Variants in SUCLG2 observed in about 807,000 individuals in gnomAD.
The protein encoded by SUCLG2 is succinate-CoA ligase GDP-forming subunit beta, also known as succinate--CoA ligase [GDP-forming] subunit beta, mitochondrial.
A neutral mutation model predicts 47.9 loss-of-function variants in SUCLG2; 42 were observed. That is an observed-to-expected ratio of 0.88 (90% confidence interval 0.69 to 1.14). The LOEUF is 1.14. Among genes scored for constraint, SUCLG2 ranks in the 50% most tolerant of loss-of-function variants. The probability of loss-of-function intolerance (pLI) is 0.00; values close to 1 mark genes in which losing one functional copy is unlikely to be tolerated. For missense variants in SUCLG2, 571 were observed against 525.9 expected (o/e 1.09, Z -0.84); for synonymous variants, 195 against 197.3 (o/e 0.99, Z 0.10).
At chr3:67,536,675 A>C (rs1706551768) in intron 2 of SUCLG2, among the ~76,000 whole-genome samples, 2 of 152,232 alleles carry the variant, frequency 1.3e-5, no homozygotes, top group African/African-American at 4.8e-5. Context: ...CAGACAGCCA[A>C]TGCAGACTGA....
chr3:67,520,889 T>C (rs1008854447), intron 4 of SUCLG2, among the ~76,000 whole-genome samples: 8 of 152,214 alleles, frequency 5.3e-5, no homozygotes, highest in Admixed American at 3.9e-4. Flanking sequence ...CCCACTTTAA[T>C]CTTCTTTTTT....
At chr3:67,403,322 G>A (rs1041616101) in intron 9 of SUCLG2, among the ~76,000 whole-genome samples, 1 of 152,074 alleles carries the variant, frequency 6.6e-6, no homozygotes, top group Non-Finnish European at 1.5e-5. Flanking sequence ...GATCATCTTT[G>A]TGCTTCTCTA....
At chr3:67,631,432 A>T (rs946008360) in intron 1 of SUCLG2, among the ~76,000 whole-genome samples, 1 of 152,150 alleles carries the variant, frequency 6.6e-6, no homozygotes, top group African/African-American at 2.4e-5. Context: ...GTTTGAGACC[A>T]GCCTTGCCAA....
At chr3:67,525,795 A>C in intron 4 of SUCLG2, among the ~76,000 whole-genome samples, 1 of 152,208 alleles carries the variant, frequency 6.6e-6, no homozygotes, top group South Asian at 2.1e-4. Context: ...GACTTCATCA[A>C]AATTAAACAC....
intron 2 of SUCLG2, among the ~76,000 whole-genome samples, chr3:67,566,512 G>A (rs1707457488): frequency 6.6e-6 from 1 of 151,966 alleles, no homozygotes; most frequent in Non-Finnish European, 1.5e-5. Flanking sequence ...TAACTTAAAG[G>A]AGTTTCAACT....
chr3:67,582,607 A>T (rs964511617), intron 2 of SUCLG2, among the ~76,000 whole-genome samples: 1 of 152,124 alleles, frequency 6.6e-6, no homozygotes, highest in Admixed American at 6.5e-5. Context: ...TGGCAGAATG[A>T]TTTACATTCC....
chr3:67,430,029 T>C (rs945875173), intron 9 of SUCLG2, among the ~76,000 whole-genome samples: 26 of 152,200 alleles, frequency 1.7e-4, no homozygotes, highest in African/African-American at 6.0e-4. Context: ...CTATCAACAT[T>C]AGACAGATCA....
intron 9 of SUCLG2, among the ~76,000 whole-genome samples, chr3:67,419,136 G>A (rs1414981927): frequency 2.0e-5 from 3 of 152,200 alleles, no homozygotes; most frequent in African/African-American, 7.2e-5. Flanking sequence ...TGTGATGAAA[G>A]GATGCTGGCA....
chr3:67,455,319 C>A (rs1037492686), intron 9 of SUCLG2, among the ~76,000 whole-genome samples: 1 of 152,122 alleles, frequency 6.6e-6, no homozygotes, highest in Admixed American at 6.6e-5. Context: ...AAGTGAGGGT[C>A]TTCTGGTCCA....
At chr3:67,462,068 C>T (rs1704350954) in intron 9 of SUCLG2, among the ~76,000 whole-genome samples, 1 of 151,866 alleles carries the variant, frequency 6.6e-6, no homozygotes, top group Non-Finnish European at 1.5e-5. Flanking sequence ...TGTTTTTGTC[C>T]ACAGTTCCTA....
chr3:67,583,888 T>C (rs1056208983), intron 2 of SUCLG2, among the ~76,000 whole-genome samples: 28 of 152,240 alleles, frequency 1.8e-4, no homozygotes, highest in African/African-American at 6.0e-4. Flanking sequence ...GCTTATGTGA[T>C]CATACTGGGT....
chr3:67,444,163 A>AGGGT, intron 9 of SUCLG2, among the ~76,000 whole-genome samples: 1 of 27,326 alleles, frequency 3.7e-5, no homozygotes, highest in Non-Finnish European at 7.2e-5. Flanking sequence ...GAGGTGGGGG[A>AGGGT]GTCAGCCCCC....
chr3:67,429,900 G>C (rs937353841), intron 9 of SUCLG2, among the ~76,000 whole-genome samples: 12 of 152,104 alleles, frequency 7.9e-5, no homozygotes, highest in Non-Finnish European at 1.6e-4. Context: ...GAAGAGCTAA[G>C]TATCCTAAAA....
chr3:67,651,290 C>A (rs1559613420), intron 1 of SUCLG2, among the ~76,000 whole-genome samples: 2 of 152,140 alleles, frequency 1.3e-5, no homozygotes, highest in East Asian at 1.9e-4. Flanking sequence ...CATGATTTGG[C>A]CCTTGTCTTC....
intron 4 of SUCLG2, among the ~76,000 whole-genome samples, chr3:67,527,002 A>G (rs1356597732): frequency 6.6e-6 from 1 of 152,270 alleles, no homozygotes; most frequent in Non-Finnish European, 1.5e-5. Flanking sequence ...CATAGCAAGA[A>G]AAAGGACTGT....
chr3:67,606,739 TC>T (rs1700425666), intron 2 of SUCLG2, among the ~76,000 whole-genome samples: 1 of 152,210 alleles, frequency 6.6e-6, no homozygotes, highest in African/African-American at 2.4e-5. Flanking sequence ...ATAAGTCACT[TC>T]AATTTCTACA....
intron 9 of SUCLG2, among the ~76,000 whole-genome samples, chr3:67,410,896 T>C (rs955437443): frequency 2.6e-5 from 4 of 152,244 alleles, no homozygotes; most frequent in Non-Finnish European, 2.9e-5. Context: ...ATCTATATTT[T>C]ATTTGTAATG....
intron 9 of SUCLG2, among the ~76,000 whole-genome samples, chr3:67,439,962 A>G (rs1018736706): frequency 1.3e-5 from 2 of 152,140 alleles, no homozygotes; most frequent in Non-Finnish European, 2.9e-5. Context: ...GAGGCATCAT[A>G]CTACCTGAAT....
chr3:67,645,061 G>A (rs1057245977), intron 1 of SUCLG2, among the ~76,000 whole-genome samples: 2 of 152,054 alleles, frequency 1.3e-5, no homozygotes, highest in Admixed American at 6.5e-5. Context: ...TACCATAAGC[G>A]TAACATTACT....
Sources: gnomAD v4.1 joint callset for allele counts (sites outside exome capture counted in the v4.1 genomes callset) on GRCh38, gnomAD v4.1.1 for gene constraint, MANE v1.5 for transcripts, NCBI Gene and HGNC (gene_info 2026-07-23, HGNC 2026-07-21) for gene names.